Variants in ZNF490 observed in about 807,000 individuals in gnomAD.
ZNF490 encodes the protein zinc finger protein 490.
ZNF490 carries 11 observed loss-of-function variants against 17.7 expected under a neutral mutation model. That is an observed-to-expected ratio of 0.62 (90% CI 0.39 to 1.03). The LOEUF (loss-of-function observed/expected upper bound fraction) is 1.03. ZNF490 is among the 50% of genes least tolerant of loss of function. ZNF490 has a pLI of 0.00. For synonymous variants in ZNF490, 222 were observed against 216.1 expected (o/e 1.03, Z -0.24); for missense variants, 542 against 643.4 (o/e 0.84, Z 1.71).
intron 2 of ZNF490, among the ~76,000 whole-genome samples, chr19:12,599,426 G>C (rs1443421549): frequency 6.6e-6 from 1 of 152,102 alleles, no homozygotes; most frequent in Non-Finnish European, 1.5e-5. Context: ...GAATTTAAAG[G>C]TGTTTAGGCC....
chr19:12,604,445 T>G (rs2023043073), intron 2 of ZNF490, among the ~76,000 whole-genome samples: 2 of 151,848 alleles, frequency 1.3e-5, no homozygotes, highest in Admixed American at 1.3e-4. Context: ...AGGTCAGGAG[T>G]TCGAGACCAG....
At chr19:12,589,977 C>T (rs751489223) in intron 2 of ZNF490, among the ~76,000 whole-genome samples, 8 of 152,020 alleles carry the variant, frequency 5.3e-5, no homozygotes, top group South Asian at 2.1e-4. Context: ...TGCACTGGCA[C>T]GATCTCGGCT....
At chr19:12,586,214 G>A (rs1368634718) in intron 2 of ZNF490, among the ~76,000 whole-genome samples, 2 of 92,816 alleles carry the variant, frequency 2.2e-5, no homozygotes, top group Admixed American at 1.0e-4. Flanking sequence ...GAAGAGAATC[G>A]CTTAAACCTG....
intron 2 of ZNF490, among the ~76,000 whole-genome samples, chr19:12,594,763 T>A (rs2022913057): frequency 6.6e-6 from 1 of 152,200 alleles, no homozygotes; most frequent in African/African-American, 2.4e-5. Flanking sequence ...CACTTCTGCC[T>A]GGGCGACAGA....
rs553021216 is a variant in ZNF490, at chr19:12,584,456, A to T, written c.163-900T>A. ...CAGGCGTGAGCCACCGCGCCCGGCC[A>T]CCTTATTGCTCTTTAAATACAGACC... is the stretch of plus-strand genomic sequence containing the variant. On this transcript the variant is annotated intron_variant, in intron 2 of 4. Transcript: ENST00000311437. 4.2e-5 allele frequency among the ~76,000 whole-genome samples: 4 copies of T among 94,388 alleles called. 1 individual carries two copies. The South Asian group carries it at 1.1e-3, about 26-fold the overall frequency. The allele number at this position is 94,388 out of a possible 152,430, so 61.9% of individuals were successfully genotyped here. A position where few individuals can be genotyped will look rare whatever the true frequency, so the allele number is the denominator to read the frequency against.
chr19:12,596,753 G>A (rs576389482), intron 2 of ZNF490, among the ~76,000 whole-genome samples: 9 of 152,228 alleles, frequency 5.9e-5, no homozygotes, highest in African/African-American at 2.2e-4. Context: ...AGCAGCCACA[G>A]GAACGAACTC....
At chr19:12,605,683 C>T (rs958491528) in intron 2 of ZNF490, among the ~76,000 whole-genome samples, 4 of 151,954 alleles carry the variant, frequency 2.6e-5, no homozygotes, top group Admixed American at 1.3e-4. Flanking sequence ...TCTTGTGAGC[C>T]GTTAGCTTTT....
chr19:12,586,285 C>T lies in ZNF490; in HGVS notation c.163-2729G>A, dbSNP rs763514665. On this transcript the variant is annotated intron_variant, in intron 2 of 4. Transcript: ENST00000311437. The stretch of plus-strand genomic sequence containing the variant: ...CTGCACTCCAGCCTGGGCGACAGAG[C>T]GAAACTCCACCTCAAAAAATAAAAT... Among the ~76,000 whole-genome samples the T allele has an allele frequency of 2.2e-4, 20 of 91,256 alleles. 5 individuals carry two copies. The highest frequency in any genetic ancestry group is 5.8e-4 in the South Asian group (2 of 3,422). 59.9% of individuals were successfully genotyped at this position (91,256 alleles called of 152,430 possible). A position where few individuals can be genotyped will look rare whatever the true frequency, so the allele number is the denominator to read the frequency against.
chr19:12,603,261 C>T (rs1338419724), intron 2 of ZNF490, among the ~76,000 whole-genome samples: 2 of 151,912 alleles, frequency 1.3e-5, no homozygotes, highest in Non-Finnish European at 2.9e-5. Context: ...CTGAGGCAGG[C>T]AGGATGCTTG....
intron 2 of ZNF490, among the ~76,000 whole-genome samples, chr19:12,594,567 C>A (rs762486186): frequency 3.3e-5 from 5 of 152,070 alleles, no homozygotes; most frequent in Non-Finnish European, 5.9e-5. Context: ...GTGTCTAGAG[C>A]CTCTGTGGTA....
Position 12,578,883 on chromosome 19 carries a change from A to G in ZNF490, c.*1602T>C, listed in dbSNP as rs2022680142. 11 of 985,422 alleles carry G rather than the reference A, an allele frequency of 1.1e-5. No individual in the cohort carries two copies. In the South Asian group the frequency reaches 3.3e-4, roughly 29 times the overall value. 61.0% of individuals were successfully genotyped at this position (985,422 alleles called of 1,614,324 possible). On this transcript the variant is annotated 3_prime_UTR_variant, in exon 5 of 5. Coordinates refer to ENST00000311437, the MANE Select transcript of ZNF490 (RefSeq NM_020714.3). ...TACGAAGAATCTCGACAATGGTTGCAGATGTCATTGAAGATGTTCCCATAT... is the reference window on the plus strand; with the variant it reads ...TACGAAGAATCTCGACAATGGTTGCGGATGTCATTGAAGATGTTCCCATAT...
rs758261428 is a variant in ZNF490, at chr19:12,580,720, C to A, written c.1355G>T (p.Gly452Val). ...REKPYECKQC[G>V]RVFIYFSHLR... ...GTGACTGAAGTAAATGAAGACCCGA[C>A]CACACTGTTTGCATTCATAGGGTTT... Residue 452 changes from glycine to valine, a missense_variant, in exon 5 of 5, where the codon GGT (glycine) becomes GTT (valine). Transcript: ENST00000311437. 7 of 1,614,194 alleles carry A rather than the reference C, an allele frequency of 4.3e-6. No individual in the cohort carries two copies. The highest frequency in any genetic ancestry group is 5.9e-6 in the Non-Finnish European group (7 of 1,180,032).
chr19:12,591,570 G>T (rs918758058), intron 2 of ZNF490, among the ~76,000 whole-genome samples: 2 of 151,890 alleles, frequency 1.3e-5, no homozygotes, highest in African/African-American at 4.8e-5. Context: ...ATGGGCAAAA[G>T]ATATGAACAT....
In ZNF490 at chr19:12,610,809, T is replaced by C. The variant is rs2023141898; in HGVS notation, c.-129A>G. Reference sequence around the variant, plus strand: ...CCGTCCCACCGGCGGAAGCGAGATCTGCCTAGCTACTAGACCTGCTGCCTA... The same window carrying C: ...CCGTCCCACCGGCGGAAGCGAGATCCGCCTAGCTACTAGACCTGCTGCCTA... On this transcript the variant is annotated 5_prime_UTR_variant, in exon 1 of 5. Transcript: ENST00000311437. 10 of 983,908 alleles carry C rather than the reference T, an allele frequency of 1.0e-5. No individual in the cohort carries two copies. The highest frequency in any genetic ancestry group is 2.8e-5 in the South Asian group (2 of 71,220). The allele number at this position is 983,908 out of a possible 1,614,324, so 60.9% of individuals were successfully genotyped here.
chr19:12,583,300 A>G, intron 3 of ZNF490, 130 bp downstream of exon 3: 12 of 1,098,252 alleles, frequency 1.1e-5, no homozygotes, highest in Non-Finnish European at 1.4e-5. Flanking sequence ...CAGCCTCCCA[A>G]AGCACTGGGA....
chr19:12,591,665 A>C (rs2022873413), intron 2 of ZNF490, among the ~76,000 whole-genome samples: 1 of 152,168 alleles, frequency 6.6e-6, no homozygotes, highest in Non-Finnish European at 1.5e-5. Flanking sequence ...AATAAAAAAA[A>C]ACTAAGATAA....
At position 12,576,616 on chromosome 19, in the gene ZNF490, C is replaced by G. The variant is rs1415969920; in HGVS notation, c.*3869G>C. The stretch of plus-strand genomic sequence containing the variant: ...GGATCACAAGGTCAGGAGATTGAGA[C>G]CATCCTGGTCAACATGGTGAAACCC... On this transcript the variant is annotated 3_prime_UTR_variant, in exon 5 of 5. Transcript: ENST00000311437. Among the ~76,000 whole-genome samples, 4 of 151,276 alleles carry G rather than the reference C, an allele frequency of 2.6e-5. No individual in the cohort carries two copies. In the East Asian group the frequency reaches 7.8e-4, roughly 30 times the overall value.
At chr19:12,581,843 C>T (rs932954662) in intron 4 of ZNF490, 119 bp from the exon 5 acceptor site, 29 of 960,064 alleles carry the variant, frequency 3.0e-5, no homozygotes, top group Non-Finnish European at 3.8e-5. Flanking sequence ...TCTGCCCTGT[C>T]TAAATTGTTT....
Position 12,581,597 on chromosome 19 carries a change from CA to C in ZNF490, c.477del (p.Ser159ArgfsTer17). ...TPTGLKPCDC[S>X]VCGEVFMHQV... is the part of the protein sequence containing the mutation. ...TGATGCATGAAGACTTCCCCACACA[CA>C]CTGCAGTCACATGGTTTTAATCCAG... On this transcript the variant is annotated frameshift_variant, in exon 5 of 5. Coordinates refer to ENST00000311437, the MANE Select transcript of ZNF490 (RefSeq NM_020714.3). LOFTEE classifies it low-confidence loss of function (END_TRUNC). 6.2e-7 allele frequency: 1 copy of C among 1,614,190 alleles called. No individual in the cohort carries two copies. The highest frequency in any genetic ancestry group is 8.5e-7 in the Non-Finnish European group (1 of 1,180,034).
Sources: gnomAD v4.1 joint callset for allele counts (sites outside exome capture counted in the v4.1 genomes callset) on GRCh38, gnomAD v4.1.1 for gene constraint, MANE v1.5 for transcripts, NCBI Gene and HGNC (gene_info 2026-07-23, HGNC 2026-07-21) for gene names.